OTOL1: variants seen among roughly 807,000 people sequenced by gnomAD.
The protein encoded by OTOL1 is otolin 1.
In OTOL1, 31 loss-of-function variants were observed where a neutral mutation model predicts 25.0. The observed-to-expected ratio is 1.24, with a 90% confidence interval of 0.93 to 1.67. The LOEUF (loss-of-function observed/expected upper bound fraction) is 1.67. Ranked by LOEUF, OTOL1 falls within the 40% of genes most tolerant of loss-of-function variation. OTOL1 has a pLI of 0.00. For synonymous variants in OTOL1, 225 were observed against 210.3 expected (o/e 1.07, Z -0.61); for missense variants, 654 against 587.7 (o/e 1.11, Z -1.17).
In OTOL1 at chr3:161,497,185, T is replaced by G; in HGVS notation, c.364+14T>G. The G allele has an allele frequency of 6.3e-7, 1 of 1,593,770 alleles. No homozygotes were observed. Among genetic ancestry groups the G allele is most frequent in the South Asian group, 1.1e-5 (1 of 87,682 alleles). On this transcript the variant is annotated intron_variant, in intron 1 of 3. Transcript: ENST00000327928. ...CTGGACAGCCAGGTATTAGAAAATA[T>G]AAGAAGTCATGTTTCTCACTTGTAC... is the stretch of plus-strand genomic sequence containing the variant.
In OTOL1 at chr3:161,503,610, A is replaced by G. The variant is rs1328738526; in HGVS notation, c.1102A>G (p.Asn368Asp). 6.2e-7 allele frequency: 1 copy of G among 1,613,794 alleles called. No homozygotes were observed. The highest frequency in any genetic ancestry group is 1.3e-5 in the African/African-American group (1 of 75,010). Residue 368 changes from asparagine to aspartate, a missense_variant, in exon 4 of 4, where the codon AAT becomes GAT. By Grantham distance (23) the Asn-to-Asp change is conservative. Transcript: ENST00000327928. ...CATCAAATTTGAAAAGATTCTCTAT[A>G]ATGACCAAGGGAATTACAGTCCTGT... ...IPIKFEKILY[N>D]DQGNYSPVTG...
rs188994271 is a variant in OTOL1 at position 161,501,937 on chromosome 3, G to A, written c.455-370G>A. Among the ~76,000 whole-genome samples the A allele has an allele frequency of 5.4e-3, 827 of 152,298 alleles. 10 individuals are homozygous for A. Among genetic ancestry groups the A allele is most frequent in the African/African-American group, 0.018 (761 of 41,576 alleles). ...GCTAAAGTGCAGCGGTGTGATCTCA[G>A]CTTACTGCAATCTCCACCTCCTGAG... On this transcript the variant is annotated intron_variant, in intron 2 of 3. Coordinates refer to ENST00000327928, the MANE Select transcript of OTOL1 (RefSeq NM_001080440.1).
chr3:161,503,229 A>G lies in OTOL1; in HGVS notation c.721A>G (p.Lys241Glu), dbSNP rs542161061. The G allele has an allele frequency of 1.6e-4, 205 of 1,247,382 alleles. No individual in the cohort carries two copies. The highest frequency in any genetic ancestry group is 2.0e-4 in the Non-Finnish European group (191 of 975,554). 77.3% of individuals were successfully genotyped at this position (1,247,382 alleles called of 1,614,324 possible). A position where few individuals can be genotyped will look rare whatever the true frequency, so the allele number is the denominator to read the frequency against. The change falls in exon 4 of 4, where the codon AAG becomes GAG. Residue 241 changes from lysine to glutamate, a missense_variant. By Grantham distance (56) the Lys-to-Glu change is moderately conservative. Transcript: ENST00000327928. Reference sequence around the variant, plus strand: ...GGGGGAGAAGGGGGAGATGGGGGATAAGGGCTGCTGTGGAGATTCTGGGGA... The same window carrying G: ...GGGGGAGAAGGGGGAGATGGGGGATGAGGGCTGCTGTGGAGATTCTGGGGA... ...EMGEKGEMGD[K>E]GCCGDSGERG... is the part of the protein sequence containing the mutation.
chr3:161,501,215 T>C (rs1187152305), intron 2 of OTOL1, among the ~76,000 whole-genome samples: 1 of 152,124 alleles, frequency 6.6e-6, no homozygotes, highest in Non-Finnish European at 1.5e-5. Flanking sequence ...CTGTGTGCTA[T>C]AGAAGAGGCT....
At chr3:161,499,096 T>G (rs1718907940) in intron 1 of OTOL1, 75 bp from the exon 2 acceptor site, 1 of 1,199,556 alleles carries the variant, frequency 8.3e-7, no homozygotes, top group Admixed American at 2.2e-5. Context: ...AGTAAAATGC[T>G]TTTTTTCTTT....
intron 1 of OTOL1, 50 bp downstream of exon 1, chr3:161,497,221 T>C (rs1210171217): frequency 5.2e-6 from 8 of 1,547,214 alleles, no homozygotes; most frequent in South Asian, 1.3e-5. Flanking sequence ...ATTGGTAGAG[T>C]TGAGAGGTAG....
Position 161,499,227 on chromosome 3 carries a change from C to G in OTOL1, c.421C>G (p.Pro141Ala). 1 of 1,611,096 alleles carries G rather than the reference C, an allele frequency of 6.2e-7. No homozygotes were observed. The highest frequency in any genetic ancestry group is 8.5e-7 in the Non-Finnish European group (1 of 1,178,772). The change falls in exon 2 of 4, where the codon CCC (proline) becomes GCC (alanine). Residue 141 changes from proline (P) to alanine (A), a missense_variant. Physicochemically the swap from Pro to Ala is conservative, Grantham distance 27. Transcript: ENST00000327928. ...GIPGPPGVVG[P>A]QGPRGYKGEK... ...CCCAGGGCCACCAGGAGTTGTTGGGCCCCAAGGCCCTAGAGGCTACAAAGG... is the reference window on the plus strand; with the variant it reads ...CCCAGGGCCACCAGGAGTTGTTGGGGCCCAAGGCCCTAGAGGCTACAAAGG...
At chr3:161,500,116 C>T (rs1294746300) in intron 2 of OTOL1, among the ~76,000 whole-genome samples, 1 of 152,138 alleles carries the variant, frequency 6.6e-6, no homozygotes, top group Non-Finnish European at 1.5e-5. Flanking sequence ...AATGTTTTAG[C>T]CTCAGTGTCA....
At position 161,502,338 on chromosome 3, in the gene OTOL1, TC is replaced by T; in HGVS notation, c.488del (p.Pro163GlnfsTer27). 1 of 1,613,526 alleles carries T rather than the reference TC, an allele frequency of 6.2e-7. No individual in the cohort carries two copies. Among genetic ancestry groups the T allele is most frequent in the Non-Finnish European group, 8.5e-7 (1 of 1,179,704 alleles). On this transcript the variant is annotated frameshift_variant, in exon 3 of 4. Transcript: ENST00000327928. LOFTEE classifies it low-confidence loss of function (END_TRUNC). ...LKGERGDQGV[P>X]GYPGKPGAQG... ...AAGGAGAACGTGGGGACCAAGGAGT[TC>T]CAGGATACCCAGGAAAACCGGGAGC...
At position 161,503,498 on chromosome 3, in the gene OTOL1, T is replaced by A. The variant is rs1719030780; in HGVS notation, c.990T>A (p.Phe330Leu). Residue 330 changes from phenylalanine to leucine, a missense_variant, in exon 4 of 4, where the codon TTT (phenylalanine) becomes TTA (leucine). Phe to Leu is a conservative substitution (Grantham distance 22). Transcript: ENST00000327928. ...GPTGKKGSRG[F>L]KGSKGELARV... ...CTGGGAAGAAGGGCTCTCGGGGCTTTAAAGGCTCCAAGGGTGAGTTGGCTA... is the reference window on the plus strand; with the variant it reads ...CTGGGAAGAAGGGCTCTCGGGGCTTAAAAGGCTCCAAGGGTGAGTTGGCTA... 6.2e-7 allele frequency: 1 copy of A among 1,613,290 alleles called. No homozygotes were observed. The highest frequency in any genetic ancestry group is 1.7e-5 in the Admixed American group (1 of 59,976).
chr3:161,500,854 ACT>A lies in OTOL1; in HGVS notation c.455-1450_455-1449del, dbSNP rs564964584. Among the ~76,000 whole-genome samples, 763 of 151,716 alleles carry A rather than the reference ACT, an allele frequency of 5.0e-3. 8 individuals are homozygous for A. Among genetic ancestry groups the A allele is most frequent in the African/African-American group, 0.017 (702 of 41,336 alleles). Reference sequence around the variant, plus strand: ...GTTGGGGTAGCTAGCAACTTAGAAAACTCTGCTAAATGACCTATGGTGGGATT... The same window carrying A: ...GTTGGGGTAGCTAGCAACTTAGAAAACTGCTAAATGACCTATGGTGGGATT... On this transcript the variant is annotated intron_variant, in intron 2 of 3. Coordinates refer to ENST00000327928, the MANE Select transcript of OTOL1 (RefSeq NM_001080440.1).
In OTOL1 at chr3:161,497,147, G is replaced by A. The variant is rs751369052; in HGVS notation, c.340G>A (p.Glu114Lys). ...CCSPVPGQKG[E>K]PGETGQPGPK... ...TTCACCTGTACCCGGGCAGAAAGGA[G>A]AACCTGGAGAGACTGGACAGCCAGG... Residue 114 changes from glutamate to lysine, a missense_variant, in exon 1 of 4, where the codon GAA becomes AAA. Transcript: ENST00000327928. 6.2e-7 allele frequency: 1 copy of A among 1,612,582 alleles called. No homozygotes were observed. Among genetic ancestry groups the A allele is most frequent in the Middle Eastern group, 1.7e-4 (1 of 6,042 alleles).
Position 161,503,377 on chromosome 3 carries a change from G to C in OTOL1, c.869G>C (p.Gly290Ala), listed in dbSNP as rs754209144. The change falls in exon 4 of 4, where the codon GGG becomes GCG. Residue 290 changes from glycine (G) to alanine (A), a missense_variant. Transcript: ENST00000327928. ...NGLPGAKGDP[G>A]IKGEKGELGP... ...CTGCCTGGGGCCAAAGGTGATCCAGGGATTAAAGGAGAAAAAGGAGAGTTA... is the reference window on the plus strand; with the variant it reads ...CTGCCTGGGGCCAAAGGTGATCCAGCGATTAAAGGAGAAAAAGGAGAGTTA... The C allele has an allele frequency of 3.1e-6, 5 of 1,606,402 alleles. No homozygotes were observed. The highest frequency in any genetic ancestry group is 1.3e-5 in the African/African-American group (1 of 74,592).
Position 161,503,829 on chromosome 3 carries a change from G to A in OTOL1, c.1321G>A (p.Val441Ile), listed in dbSNP as rs1462432743. ...CTTGAAATTAAGTGCAGGAGACCAA[G>A]TCTGGCTTGAGGTGTCAAAAGATTG... ...VILKLSAGDQVWLEVSKDWNG... is the reference protein window; with the variant it reads ...VILKLSAGDQIWLEVSKDWNG... Residue 441 changes from valine to isoleucine, a missense_variant, in exon 4 of 4, where the codon GTC becomes ATC. By Grantham distance (29) the Val-to-Ile change is conservative. Coordinates refer to ENST00000327928, the MANE Select transcript of OTOL1 (RefSeq NM_001080440.1). 45 of 1,613,960 alleles carry A rather than the reference G, an allele frequency of 2.8e-5. No individual in the cohort carries two copies. The highest frequency in any genetic ancestry group is 5.5e-5 in the South Asian group (5 of 91,080).
chr3:161,503,509 A>C lies in OTOL1; in HGVS notation c.1001A>C (p.Lys334Thr). ...GGCTCTCGGGGCTTTAAAGGCTCCA[A>C]GGGTGAGTTGGCTAGAGTGCCCCGG... ...KKGSRGFKGS[K>T]GELARVPRSA... Residue 334 changes from lysine to threonine, a missense_variant, in exon 4 of 4, where the codon AAG becomes ACG. By Grantham distance (78) the Lys-to-Thr change is moderately conservative. Transcript: ENST00000327928. 6.2e-7 allele frequency: 1 copy of C among 1,613,804 alleles called. No homozygotes were observed. The highest frequency in any genetic ancestry group is 8.5e-7 in the Non-Finnish European group (1 of 1,179,814).
At chr3:161,501,869 C>T (rs1248314544) in intron 2 of OTOL1, among the ~76,000 whole-genome samples, 1 of 151,908 alleles carries the variant, frequency 6.6e-6, no homozygotes, top group Non-Finnish European at 1.5e-5. Context: ...TCCTAATGAC[C>T]CTCAATACAT....
chr3:161,503,557 C>T lies in OTOL1; in HGVS notation c.1049C>T (p.Ser350Leu), dbSNP rs1191176584. Residue 350 changes from serine to leucine, a missense_variant, in exon 4 of 4, where the codon TCA (serine) becomes TTA (leucine). Physicochemically the swap from Ser to Leu is moderately radical, Grantham distance 145. Transcript: ENST00000327928. ...CGGTCGGCTTTCAGCGCTGGTTTGT[C>T]AAAGCCATTTCCTCCTCCTAACATC... ...VPRSAFSAGLSKPFPPPNIPI... is the reference protein window; with the variant it reads ...VPRSAFSAGLLKPFPPPNIPI... 1 of 1,613,846 alleles carries T rather than the reference C, an allele frequency of 6.2e-7. No individual in the cohort carries two copies. The highest frequency in any genetic ancestry group is 8.5e-7 in the Non-Finnish European group (1 of 1,179,858).
intron 2 of OTOL1, among the ~76,000 whole-genome samples, chr3:161,499,656 G>A (rs1386140165): frequency 6.6e-6 from 1 of 152,104 alleles, no homozygotes; most frequent in African/African-American, 2.4e-5. Flanking sequence ...ACTAACTAGA[G>A]CAGGCAATTC....
chr3:161,500,030 C>T (rs1187085428), intron 2 of OTOL1, among the ~76,000 whole-genome samples: 1 of 152,156 alleles, frequency 6.6e-6, no homozygotes, highest in Non-Finnish European at 1.5e-5. Context: ...AGGAAGGCTA[C>T]AGATTCACTA....
Sources: gnomAD v4.1 joint callset for allele counts (sites outside exome capture counted in the v4.1 genomes callset) on GRCh38, gnomAD v4.1.1 for gene constraint, MANE v1.5 for transcripts, NCBI Gene and HGNC (gene_info 2026-07-23, HGNC 2026-07-21) for gene names.